Variants in NPAS2 observed in about 807,000 individuals in gnomAD.
The protein encoded by NPAS2 is neuronal PAS domain-containing protein 2.
NPAS2 carries 23 observed loss-of-function variants against 107.5 expected under a neutral mutation model. The observed-to-expected ratio is 0.21, with a 90% CI of 0.15 to 0.30. The LOEUF (loss-of-function observed/expected upper bound fraction) is 0.30, where lower values mean the gene tolerates loss of function less well. Among genes scored for constraint, NPAS2 ranks in the 10% least tolerant of loss-of-function variants. The pLI is 1.00. For missense variants in NPAS2, 756 were observed against 1,043.3 expected (o/e 0.72, Z 3.79); for synonymous variants, 403 against 417.5 (o/e 0.97, Z 0.42).
chr2:100,857,652 A>T (rs1678665440), intron 1 of NPAS2, among the ~76,000 whole-genome samples: 1 of 152,220 alleles, frequency 6.6e-6, no homozygotes. Flanking sequence ...AGCCTGGCCA[A>T]GTCTCCGCAA....
intron 3 of NPAS2, among the ~76,000 whole-genome samples, chr2:100,926,574 T>C (rs866073445): frequency 1.8e-4 from 27 of 152,230 alleles, no homozygotes; most frequent in Admixed American, 9.8e-4. Flanking sequence ...CATGTACTTA[T>C]TGGCTATTTG....
chr2:100,941,865 C>T (rs752417734), intron 5 of NPAS2, among the ~76,000 whole-genome samples: 1 of 152,088 alleles, frequency 6.6e-6, no homozygotes, highest in South Asian at 2.1e-4. Flanking sequence ...AGTTAGCTTC[C>T]TGGGTTACTT....
At chr2:100,982,204 AT>A in intron 15 of NPAS2, 26 bp from the exon 16 acceptor site, 1 of 1,613,866 alleles carries the variant, frequency 6.2e-7, no homozygotes, top group Non-Finnish European at 8.5e-7. Flanking sequence ...CTTTCATCTG[AT>A]TATGTTTTTC....
chr2:100,849,013 T>C (rs917583001), intron 1 of NPAS2, among the ~76,000 whole-genome samples: 1 of 152,226 alleles, frequency 6.6e-6, no homozygotes, highest in Non-Finnish European at 1.5e-5. Context: ...TTTCTGTGCA[T>C]TCATCTCAGG....
rs553975929 is a variant in NPAS2 at position 100,938,453 on chromosome 2, A to G, written c.363+611A>G. On this transcript the variant is annotated intron_variant, in intron 5 of 20. Coordinates refer to ENST00000335681, the MANE Select transcript of NPAS2 (RefSeq NM_002518.4). ...CCAGAAGTGCACGATGGAAGCTCCA[A>G]GGTGGCAGAAGGGGCTGTGGTATGG... is the stretch of plus-strand genomic sequence containing the variant. Among the ~76,000 whole-genome samples, 5 of 150,444 alleles carry G rather than the reference A, an allele frequency of 3.3e-5. No homozygotes were observed. The South Asian group carries it at 8.5e-4, about 25-fold the overall frequency.
chr2:100,969,350 T>TC (rs1236132673), intron 11 of NPAS2, among the ~76,000 whole-genome samples: 1 of 152,108 alleles, frequency 6.6e-6, no homozygotes, highest in Non-Finnish European at 1.5e-5. Context: ...CCTCCACTTG[T>TC]CCCCTACCAC....
intron 5 of NPAS2, among the ~76,000 whole-genome samples, chr2:100,943,114 A>G (rs1573679801): frequency 6.6e-6 from 1 of 151,792 alleles, no homozygotes; most frequent in East Asian, 1.9e-4. Context: ...CTCCACCTTT[A>G]CTAAGTAACA....
At chr2:100,955,087 AG>A (rs1558907820) in intron 7 of NPAS2, among the ~76,000 whole-genome samples, 1 of 152,140 alleles carries the variant, frequency 6.6e-6, no homozygotes, top group East Asian at 1.9e-4. Context: ...CATGTTTGCC[AG>A]GGTGGTCTCA....
At position 100,965,587 on chromosome 2, in the gene NPAS2, A is replaced by C. The variant is rs1676165877; in HGVS notation, c.801-73A>C. On this transcript the variant is annotated intron_variant, in intron 9 of 20. Transcript: ENST00000335681. The surrounding 1 kb of genome is among the most constrained non-coding windows in gnomAD (Gnocchi z 4.3). ...AGGCCTCCATGTTGATCATTATGGAAAGGCATGGCCACCAGGGTGAGCCCT... is the reference window on the plus strand; with the variant it reads ...AGGCCTCCATGTTGATCATTATGGACAGGCATGGCCACCAGGGTGAGCCCT... 1.1e-6 allele frequency: 1 copy of C among 882,262 alleles called. No individual in the cohort carries two copies. The highest frequency in any genetic ancestry group is 1.8e-6 in the Non-Finnish European group (1 of 546,100). 54.7% of individuals were successfully genotyped at this position (882,262 alleles called of 1,614,324 possible). A position where few individuals can be genotyped will look rare whatever the true frequency, so the allele number is the denominator to read the frequency against.
intron 2 of NPAS2, among the ~76,000 whole-genome samples, chr2:100,905,478 A>G (rs1482940298): frequency 6.6e-6 from 1 of 151,816 alleles, no homozygotes; most frequent in Non-Finnish European, 1.5e-5. Flanking sequence ...GTTGAATGTC[A>G]TCAGTTTCAC....
chr2:100,938,753 G>A (rs1684515721), intron 5 of NPAS2, among the ~76,000 whole-genome samples: 1 of 152,018 alleles, frequency 6.6e-6, no homozygotes, highest in Non-Finnish European at 1.5e-5. Context: ...GCCTGTTCCT[G>A]TTCCTAGGCG....
intron 1 of NPAS2, among the ~76,000 whole-genome samples, chr2:100,865,850 G>C (rs1407076885): frequency 6.6e-6 from 1 of 152,168 alleles, no homozygotes; most frequent in Non-Finnish European, 1.5e-5. Flanking sequence ...ACCTGAGGCA[G>C]TACTATAGAT....
chr2:100,839,738 T>C (rs55689045), intron 1 of NPAS2, among the ~76,000 whole-genome samples: 7,356 of 152,200 alleles, frequency 0.048, 600 homozygotes, highest in African/African-American at 0.17. Flanking sequence ...ATACAGATTA[T>C]TTTTGTAATC....
At chr2:100,893,296 T>C (rs1573561781) in intron 1 of NPAS2, among the ~76,000 whole-genome samples, 1 of 152,220 alleles carries the variant, frequency 6.6e-6, no homozygotes, top group African/African-American at 2.4e-5. Context: ...GGACAGAAGG[T>C]ACACACTCTG....
chr2:100,988,474 G>A (rs751731244), intron 17 of NPAS2, 198 bp downstream of exon 17: 2 of 578,256 alleles, frequency 3.5e-6, no homozygotes, highest in African/African-American at 1.9e-5. Context: ...AGTTGTATTG[G>A]CTTCCTTCTG....
At chr2:100,819,798 CCT>C (rs1459423175), upstream of NPAS2, among the ~76,000 whole-genome samples, 161 of 147,868 alleles carry the variant, frequency 1.1e-3, no homozygotes, top group African/African-American at 3.7e-3. This position sits in a 1 kb window ranked among gnomAD's most constrained non-coding sequence, Gnocchi z 5.8. Flanking sequence ...ACAACCCCCC[CCT>C]CCCCCAGCCC....
rs77144645 is a variant in NPAS2, at chr2:100,912,926, A to G, written c.32+8140A>G. Among the ~76,000 whole-genome samples, 1,421 of 152,200 alleles carry G rather than the reference A, an allele frequency of 9.3e-3. 16 individuals carry two copies. Among genetic ancestry groups the G allele is most frequent in the African/African-American group, 0.032 (1,338 of 41,530 alleles). The stretch of plus-strand genomic sequence containing the variant: ...TCAGAATCACCATATCAATGTCCTC[A>G]CTGTTTTTTAAGAGGAAACTGAGGA... On this transcript the variant is annotated intron_variant, in intron 2 of 20. Coordinates refer to ENST00000335681, the MANE Select transcript of NPAS2 (RefSeq NM_002518.4).
intron 2 of NPAS2, among the ~76,000 whole-genome samples, chr2:100,910,996 A>G (rs1682513339): frequency 6.6e-6 from 1 of 152,130 alleles, no homozygotes; most frequent in Non-Finnish European, 1.5e-5. Context: ...CTGACCTTAT[A>G]TGGACCTTGA....
intron 1 of NPAS2, among the ~76,000 whole-genome samples, chr2:100,860,103 C>T (rs1678844019): frequency 6.6e-6 from 1 of 152,184 alleles, no homozygotes; most frequent in Non-Finnish European, 1.5e-5. Context: ...ATTCAGGATC[C>T]AATACAGGAT....
Sources: allele counts gnomAD v4.1 joint callset (sites outside exome capture counted in the v4.1 genomes callset), GRCh38; gene constraint gnomAD v4.1.1; non-coding constraint Gnocchi (gnomAD v3.1); transcripts MANE v1.5; gene names NCBI Gene and HGNC (gene_info 2026-07-23, HGNC 2026-07-21).